The following JAZF1 variants were observed in gnomAD, a reference collection of about 807,000 sequenced individuals.
The protein encoded by JAZF1 is JAZF zinc finger 1, also known as juxtaposed with another zinc finger protein 1.
A neutral mutation model predicts 26.4 loss-of-function variants in JAZF1; 8 were observed. The observed-to-expected ratio is 0.30, with a 90% CI of 0.18 to 0.55. JAZF1 has a LOEUF of 0.55. Among genes scored for constraint, JAZF1 ranks in the 20% least tolerant of loss-of-function variants. JAZF1 has a pLI of 0.94. For missense variants in JAZF1, 199 were observed against 322.0 expected (o/e 0.62, Z 2.92); for synonymous variants, 126 against 122.3 (o/e 1.03, Z -0.20).
intron 4 of JAZF1, 156 bp from the exon 5 acceptor site, chr7:27,833,132 C>G (rs1217193076): frequency 1.2e-5 from 6 of 516,242 alleles, no homozygotes; most frequent in African/African-American, 1.9e-5. Context: ...CAAGGACATT[C>G]TGGTGTGTCG....
At chr7:27,869,824 C>T (rs1783548336) in intron 3 of JAZF1, among the ~76,000 whole-genome samples, 1 of 152,214 alleles carries the variant, frequency 6.6e-6, no homozygotes, top group African/African-American at 2.4e-5. Flanking sequence ...ACTTTCTGTG[C>T]AAAGTAAAGG....
intron 1 of JAZF1, among the ~76,000 whole-genome samples, chr7:28,126,595 G>C (rs752621666): frequency 1.2e-4 from 19 of 152,122 alleles, no homozygotes; most frequent in Non-Finnish European, 2.4e-4. Flanking sequence ...TGAGTGTGAC[G>C]CAGAACAGGA....
chr7:27,953,286 GCTTTTT>G, intron 2 of JAZF1, among the ~76,000 whole-genome samples: 1 of 152,300 alleles, frequency 6.6e-6, no homozygotes, highest in Admixed American at 6.5e-5. Flanking sequence ...TAAGGGGTAG[GCTTTTT>G]GTTAACTATA....
At chr7:27,841,074 AG>A in intron 3 of JAZF1, 1 of 516,648 alleles carries the variant, frequency 1.9e-6, no homozygotes, top group East Asian at 3.1e-5. Flanking sequence ...CTAAGAGACC[AG>A]GGCAAGGGCT....
At chr7:28,002,852 C>T (rs1316162234) in intron 1 of JAZF1, among the ~76,000 whole-genome samples, 1 of 151,988 alleles carries the variant, frequency 6.6e-6, no homozygotes, top group Non-Finnish European at 1.5e-5. Context: ...TCTTGGCCAA[C>T]AGGATAAGGC....
At chr7:27,854,929 C>G (rs779913562) in intron 3 of JAZF1, among the ~76,000 whole-genome samples, 4 of 152,114 alleles carry the variant, frequency 2.6e-5, no homozygotes, top group Admixed American at 1.3e-4. Flanking sequence ...TTGGGGAAGT[C>G]CTCCTGGAAA....
intron 1 of JAZF1, among the ~76,000 whole-genome samples, chr7:28,078,300 G>A (rs1784085516): frequency 6.6e-6 from 1 of 152,134 alleles, no homozygotes; most frequent in African/African-American, 2.4e-5. Context: ...AGCCTTTCTA[G>A]CATTAGTTTC....
At chr7:27,889,292 G>T (rs1000046843) in intron 3 of JAZF1, among the ~76,000 whole-genome samples, 1 of 151,812 alleles carries the variant, frequency 6.6e-6, no homozygotes, top group East Asian at 1.9e-4. Context: ...GTTCAATGGG[G>T]AAATATGGGG....
chr7:27,924,937 G>A (rs1045533315), intron 2 of JAZF1, among the ~76,000 whole-genome samples: 1 of 152,224 alleles, frequency 6.6e-6, no homozygotes, highest in African/African-American at 2.4e-5. Context: ...CCAACACACA[G>A]TGACTGACTA....
intron 1 of JAZF1, among the ~76,000 whole-genome samples, chr7:27,998,298 T>C (rs1161174655): frequency 6.6e-6 from 1 of 152,206 alleles, no homozygotes; most frequent in African/African-American, 2.4e-5. Context: ...GGACTCTGTA[T>C]AGATAATCTT....
intron 2 of JAZF1, among the ~76,000 whole-genome samples, chr7:27,938,158 C>G (rs1339426492): frequency 2.0e-5 from 3 of 152,174 alleles, no homozygotes; most frequent in Admixed American, 6.5e-5. Context: ...GACCCAATCT[C>G]TATGTTTGAA....
At chr7:27,842,535 G>T (rs1438460827) in intron 3 of JAZF1, 3 of 152,098 alleles carry the variant, frequency 2.0e-5, no homozygotes, top group Non-Finnish European at 4.4e-5. Context: ...TGAAGCTTTG[G>T]AGCTAAATGT....
At chr7:28,097,083 G>GC in intron 1 of JAZF1, among the ~76,000 whole-genome samples, 1 of 152,102 alleles carries the variant, frequency 6.6e-6, no homozygotes, top group East Asian at 1.9e-4. Flanking sequence ...TTTAAAATAT[G>GC]CATTAAGTTA....
At chr7:28,131,960 T>C (rs1470086457) in intron 1 of JAZF1, among the ~76,000 whole-genome samples, 2 of 152,158 alleles carry the variant, frequency 1.3e-5, no homozygotes, top group South Asian at 2.1e-4. Flanking sequence ...CTCTGGAATA[T>C]ATGGGGCAAA....
chr7:27,879,658 A>C (rs1783734710), intron 3 of JAZF1, among the ~76,000 whole-genome samples: 1 of 152,172 alleles, frequency 6.6e-6, no homozygotes, highest in African/African-American at 2.4e-5. Flanking sequence ...ATATAGGGTC[A>C]TGATCACGCC....
In JAZF1 at chr7:27,936,451, G is replaced by T. The variant is rs142284802; in HGVS notation, c.189-41035C>A. 3.9e-5 allele frequency among the ~76,000 whole-genome samples: 6 copies of T among 152,320 alleles called. No individual in the cohort carries two copies. The East Asian group carries it at 1.2e-3, about 29-fold the overall frequency. On this transcript the variant is annotated intron_variant, in intron 2 of 4. Coordinates refer to ENST00000283928, the MANE Select transcript of JAZF1 (RefSeq NM_175061.4). ...TTCAACTGGATTAGTGAGTTTCTTT[G>T]TGAGTGCAGTGGACATAGTGTAAAT...
intron 1 of JAZF1, among the ~76,000 whole-genome samples, chr7:28,017,461 A>T (rs994076694): frequency 6.6e-5 from 10 of 152,200 alleles, no homozygotes; most frequent in Admixed American, 6.5e-4. Context: ...TTCTTCCAGC[A>T]TAGGATTGTA....
intron 3 of JAZF1, among the ~76,000 whole-genome samples, chr7:27,886,426 C>A (rs1401156842): frequency 6.6e-6 from 1 of 152,226 alleles, no homozygotes; most frequent in Non-Finnish European, 1.5e-5. Context: ...TAACCTGACA[C>A]ATTCCATAAT....
At chr7:27,939,800 A>T (rs1186746640) in intron 2 of JAZF1, among the ~76,000 whole-genome samples, 2 of 152,184 alleles carry the variant, frequency 1.3e-5, no homozygotes, top group East Asian at 3.8e-4. Context: ...CCACTTCATG[A>T]GAAACCCCTT....
Sources: gnomAD v4.1 joint callset for allele counts (sites outside exome capture counted in the v4.1 genomes callset) on GRCh38, gnomAD v4.1.1 for gene constraint, MANE v1.5 for transcripts, NCBI Gene and HGNC (gene_info 2026-07-23, HGNC 2026-07-21) for gene names.